The following CRACDL variants were observed in gnomAD, a reference collection of about 807,000 sequenced individuals.
The protein encoded by CRACDL is CRACD-like protein.
Under a neutral mutation model 70.6 loss-of-function variants are expected in CRACDL, and 26 were observed. The ratio of observed to expected loss-of-function variants is 0.37; its 90% confidence interval spans 0.27 to 0.51. The LOEUF is 0.51. CRACDL is among the 20% of genes least tolerant of loss of function. The pLI is 0.94. For missense variants in CRACDL, 1,283 were observed against 1,376.9 expected (o/e 0.93, Z 1.08); for synonymous variants, 618 against 615.2 (o/e 1.00, Z -0.07).
At chr2:98,801,504 G>A (rs1172759818) in intron 7 of CRACDL, among the ~76,000 whole-genome samples, 5 of 152,228 alleles carry the variant, frequency 3.3e-5, no homozygotes, top group African/African-American at 1.2e-4. Context: ...CAGGGGCCTA[G>A]GAGGCCTCTC....
chr2:98,865,420 T>A (rs574370894), intron 1 of CRACDL, among the ~76,000 whole-genome samples: 1 of 152,236 alleles, frequency 6.6e-6, no homozygotes, highest in South Asian at 2.1e-4. Flanking sequence ...TTTGTGTGAT[T>A]CTTTGATCCA....
intron 1 of CRACDL, among the ~76,000 whole-genome samples, chr2:98,852,511 A>C (rs765853873): frequency 3.1e-4 from 47 of 152,194 alleles, no homozygotes; most frequent in Non-Finnish European, 6.2e-4. Flanking sequence ...CCTAAGAAAG[A>C]ATAATCCTGA....
chr2:98,888,256 A>G (rs1707848436), intron 1 of CRACDL, among the ~76,000 whole-genome samples: 1 of 152,262 alleles, frequency 6.6e-6, no homozygotes, highest in Non-Finnish European at 1.5e-5. Context: ...ACATAGTATA[A>G]ATATACTTTT....
intron 1 of CRACDL, among the ~76,000 whole-genome samples, chr2:98,874,054 AG>A (rs1432810662): frequency 6.6e-6 from 1 of 152,240 alleles, no homozygotes; most frequent in Non-Finnish European, 1.5e-5. Context: ...GCTACTGGTA[AG>A]TTCTTTTCAG....
At chr2:98,795,077 A>ATATTTTTTTTTT in intron 9 of CRACDL, among the ~76,000 whole-genome samples, 849 of 58,106 alleles carry the variant, frequency 0.015, 39 homozygotes, top group Non-Finnish European at 0.021. Context: ...ATATATATAT[A>ATATTTTTTTTTT]TTTTTTTTTT....
rs973674038 is a variant in CRACDL, at chr2:98,882,322, A to G, written c.-10-35512T>C. Among the ~76,000 whole-genome samples, 31 of 152,244 alleles carry G rather than the reference A, an allele frequency of 2.0e-4. 1 individual carries two copies. Among genetic ancestry groups the G allele is most frequent in the Admixed American group, 1.3e-4 (2 of 15,288 alleles). Reference sequence around the variant, plus strand: ...AGACTCTTAATACATAGTATGGCCCAAGACAGAAACTGCAGACATGGCCCA... The same window carrying G: ...AGACTCTTAATACATAGTATGGCCCGAGACAGAAACTGCAGACATGGCCCA... On this transcript the variant is annotated intron_variant, in intron 1 of 9. Coordinates refer to ENST00000397899, the MANE Select transcript of CRACDL (RefSeq NM_207362.3).
intron 1 of CRACDL, among the ~76,000 whole-genome samples, chr2:98,889,283 GAGAGAA>G (rs1707890304): frequency 1.5e-5 from 2 of 129,768 alleles, no homozygotes; most frequent in Admixed American, 8.3e-5. Context: ...CAGAAAAAGA[GAGAGAA>G]AGAAAGAAAG....
At chr2:98,895,562 G>A (rs535610250) in intron 1 of CRACDL, among the ~76,000 whole-genome samples, 2 of 152,292 alleles carry the variant, frequency 1.3e-5, no homozygotes, top group Admixed American at 6.5e-5. Context: ...TATCACTGAA[G>A]TTTTGAGAGC....
intron 1 of CRACDL, among the ~76,000 whole-genome samples, chr2:98,926,195 C>T (rs1390823470): frequency 6.6e-6 from 1 of 152,114 alleles, no homozygotes; most frequent in Non-Finnish European, 1.5e-5. Context: ...AGGGAAGGTG[C>T]CATAGAAACC....
chr2:98,879,617 C>A (rs959383467), intron 1 of CRACDL, among the ~76,000 whole-genome samples: 2 of 152,178 alleles, frequency 1.3e-5, no homozygotes, highest in African/African-American at 4.8e-5. Flanking sequence ...GGCGCAATCT[C>A]GGCTCACTGC....
chr2:98,903,303 C>T (rs116234180), intron 1 of CRACDL, among the ~76,000 whole-genome samples: 147 of 152,220 alleles, frequency 9.7e-4, no homozygotes, highest in Middle Eastern at 6.8e-3. Context: ...ACACCGAGTG[C>T]GTTCACTGCT....
chr2:98,891,376 CAAAAAAA>C (rs548988640), intron 1 of CRACDL, among the ~76,000 whole-genome samples: 3,589 of 37,654 alleles, frequency 0.095, 63 homozygotes, highest in Middle Eastern at 0.15. Flanking sequence ...GACTCCGTCT[CAAAAAAA>C]AAAAAAAAAA....
At chr2:98,866,711 C>T (rs1488667349) in intron 1 of CRACDL, among the ~76,000 whole-genome samples, 2 of 151,298 alleles carry the variant, frequency 1.3e-5, no homozygotes, top group Admixed American at 6.6e-5. Flanking sequence ...CCAGGCTGGT[C>T]TCGAACTCCT....
chr2:98,889,468 A>C, intron 1 of CRACDL, among the ~76,000 whole-genome samples: 2 of 152,336 alleles, frequency 1.3e-5, no homozygotes, highest in South Asian at 4.1e-4. Context: ...CCAATGAATC[A>C]AGATTAAACA....
At chr2:98,864,856 A>G (rs1044758441) in intron 1 of CRACDL, among the ~76,000 whole-genome samples, 8 of 152,200 alleles carry the variant, frequency 5.3e-5, no homozygotes, top group African/African-American at 1.4e-4. Context: ...CTGATTATAC[A>G]TTTTAAACAG....
chr2:98,886,196 C>T (rs1413795051), intron 1 of CRACDL, among the ~76,000 whole-genome samples: 2 of 152,204 alleles, frequency 1.3e-5, no homozygotes, highest in African/African-American at 4.8e-5. Context: ...AGAGATTTGT[C>T]ATTAATTGAC....
In CRACDL at chr2:98,808,022, C is replaced by T. The variant is rs774064014; in HGVS notation, c.2417-10485G>A. Among the ~76,000 whole-genome samples, 86 of 152,200 alleles carry T rather than the reference C, an allele frequency of 5.7e-4. 2 individuals carry two copies. Among genetic ancestry groups the T allele is most frequent in the Non-Finnish European group, 1.5e-4 (10 of 68,022 alleles). On this transcript the variant is annotated intron_variant, in intron 7 of 9. Coordinates refer to ENST00000397899, the MANE Select transcript of CRACDL (RefSeq NM_207362.3). ...GCTGTCAACCAGTCATACGTGGCTC[C>T]TGAGCTCTTGAAATGTGGCTGCTGT...
At chr2:98,881,407 C>T (rs1195537979) in intron 1 of CRACDL, among the ~76,000 whole-genome samples, 2 of 152,220 alleles carry the variant, frequency 1.3e-5, no homozygotes, top group Non-Finnish European at 2.9e-5. Context: ...GCTTGAGAAG[C>T]ACTGCCTTAC....
chr2:98,837,647 A>T (rs1441557081), intron 3 of CRACDL, among the ~76,000 whole-genome samples: 4 of 152,100 alleles, frequency 2.6e-5, no homozygotes, highest in Non-Finnish European at 4.4e-5. Flanking sequence ...TCTTTATGAT[A>T]TTTTTGGATG....
Sources: gnomAD v4.1 joint callset for allele counts (sites outside exome capture counted in the v4.1 genomes callset) on GRCh38, gnomAD v4.1.1 for gene constraint, MANE v1.5 for transcripts, NCBI Gene and HGNC (gene_info 2026-07-23, HGNC 2026-07-21) for gene names.